Variants in PRORP observed in about 807,000 individuals in gnomAD.
PRORP encodes the protein protein only RNase P catalytic subunit.
PRORP carries 51 observed loss-of-function variants against 59.4 expected under a neutral mutation model. That is an observed-to-expected ratio of 0.86 (90% confidence interval 0.69 to 1.08). The LOEUF (loss-of-function observed/expected upper bound fraction) is 1.08. PRORP is among the 50% of genes least tolerant of loss of function. The pLI, the probability that PRORP is intolerant of heterozygous loss-of-function variation, is 0.00. For synonymous variants in PRORP, 231 were observed against 245.6 expected (o/e 0.94, Z 0.55); for missense variants, 646 against 690.3 (o/e 0.94, Z 0.72).
intron 4 of PRORP, among the ~76,000 whole-genome samples, chr14:35,173,273 C>T (rs1005400094): frequency 6.6e-6 from 1 of 152,168 alleles, no homozygotes; most frequent in Non-Finnish European, 1.5e-5. Flanking sequence ...TTGTGAATGA[C>T]ACATTGCAGA....
rs1310174142 is a variant in PRORP at position 35,163,997 on chromosome 14, G to A, written c.1168-16673G>A. 2.0e-5 allele frequency among the ~76,000 whole-genome samples: 3 copies of A among 152,312 alleles called. No individual in the cohort carries two copies. In the East Asian group the frequency reaches 5.8e-4, roughly 29 times the overall value. ...TCATTTTGCTACATATAACTAGCCA[G>A]TTATCTGAGCACCATTTATTGAATA... On this transcript the variant is annotated intron_variant, in intron 4 of 7. Coordinates refer to ENST00000534898, the MANE Select transcript of PRORP (RefSeq NM_014672.4).
chr14:35,122,141 A>C (rs1052355921), upstream of PRORP: 5 of 604,498 alleles, frequency 8.3e-6, no homozygotes, highest in African/African-American at 7.4e-5. Flanking sequence ...GCCGCGGAGA[A>C]TACCGCTACC....
At chr14:35,228,099 C>T (rs11628446) in intron 5 of PRORP, among the ~76,000 whole-genome samples, 24,446 of 152,078 alleles carry the variant, frequency 0.16, 2,309 homozygotes, top group Middle Eastern at 0.23. Flanking sequence ...GCCAAGATCG[C>T]GCCACTGCAC....
intron 4 of PRORP, among the ~76,000 whole-genome samples, chr14:35,147,680 A>T (rs183163187): frequency 1.3e-5 from 2 of 152,240 alleles, no homozygotes; most frequent in African/African-American, 2.4e-5. Context: ...TTTGCCACAT[A>T]AATTGACTCT....
intron 5 of PRORP, among the ~76,000 whole-genome samples, chr14:35,232,775 T>A (rs557668841): frequency 6.6e-6 from 1 of 152,140 alleles, no homozygotes; most frequent in East Asian, 1.9e-4. Flanking sequence ...CAGGTTCAAG[T>A]GATTCTCCTG....
chr14:35,267,627 A>C (rs984278437), intron 6 of PRORP, among the ~76,000 whole-genome samples: 3 of 152,104 alleles, frequency 2.0e-5, no homozygotes, highest in Non-Finnish European at 2.9e-5. Context: ...TAAAAATACA[A>C]AAAATTAACC....
At chr14:35,218,652 G>A (rs774823037) in intron 5 of PRORP, among the ~76,000 whole-genome samples, 2 of 150,636 alleles carry the variant, frequency 1.3e-5, no homozygotes, top group Non-Finnish European at 3.0e-5. Context: ...TCAGCCTCCC[G>A]AGTAGTTTGG....
chr14:35,132,623 A>G (rs2047273800), intron 4 of PRORP, among the ~76,000 whole-genome samples: 1 of 151,964 alleles, frequency 6.6e-6, no homozygotes, highest in African/African-American at 2.4e-5. Flanking sequence ...TGTCTCTACT[A>G]AAAATAAAAA....
At chr14:35,273,354 T>C in intron 7 of PRORP, 81 bp from the exon 8 acceptor site, 3 of 1,395,260 alleles carry the variant, frequency 2.2e-6, no homozygotes, top group Non-Finnish European at 2.9e-6. Context: ...TGGAGCAAAC[T>C]TGAGAAGTGT....
At chr14:35,203,121 G>T (rs111875977) in intron 5 of PRORP, among the ~76,000 whole-genome samples, 3,448 of 152,228 alleles carry the variant, frequency 0.023, 54 homozygotes, top group South Asian at 0.062. Context: ...GCAAAGAAAA[G>T]AACTTACCCT....
At chr14:35,143,073 T>C (rs1244038321) in intron 4 of PRORP, among the ~76,000 whole-genome samples, 3 of 146,208 alleles carry the variant, frequency 2.1e-5, no homozygotes, top group Non-Finnish European at 4.6e-5. Flanking sequence ...AGAAATACTT[T>C]AGAATTGCAG....
chr14:35,122,083 T>G, upstream of PRORP: 2 of 998,398 alleles, frequency 2.0e-6, no homozygotes, highest in Non-Finnish European at 3.1e-6. Flanking sequence ...ACCATCTTGA[T>G]CGAGGGCGGA....
At chr14:35,128,573 A>T (rs577642141) in intron 4 of PRORP, among the ~76,000 whole-genome samples, 16 of 152,032 alleles carry the variant, frequency 1.1e-4, no homozygotes, top group Admixed American at 6.5e-4. Context: ...AATATATTGA[A>T]TCTGTCTAGG....
intron 5 of PRORP, among the ~76,000 whole-genome samples, chr14:35,227,253 C>A (rs1207702477): frequency 1.3e-5 from 2 of 151,434 alleles, no homozygotes; most frequent in Non-Finnish European, 2.9e-5. Context: ...ACCATCCTGG[C>A]CAACATGGTG....
At chr14:35,147,619 A>G (rs1443316597) in intron 4 of PRORP, among the ~76,000 whole-genome samples, 1 of 152,250 alleles carries the variant, frequency 6.6e-6, no homozygotes, top group Admixed American at 6.5e-5. Context: ...TGCTGGGATT[A>G]CAGGCATGAG....
chr14:35,170,528 A>C (rs948864729), intron 4 of PRORP, among the ~76,000 whole-genome samples: 1 of 152,178 alleles, frequency 6.6e-6, no homozygotes, highest in African/African-American at 2.4e-5. Flanking sequence ...ATTTCACATG[A>C]AATATAAGAA....
At chr14:35,179,290 C>A (rs1330375354) in intron 4 of PRORP, among the ~76,000 whole-genome samples, 2 of 152,154 alleles carry the variant, frequency 1.3e-5, no homozygotes, top group East Asian at 3.8e-4. Context: ...GGTGGCCTGC[C>A]TGCTAGGTTG....
At chr14:35,209,787 C>T (rs1446657585) in intron 5 of PRORP, among the ~76,000 whole-genome samples, 2 of 152,124 alleles carry the variant, frequency 1.3e-5, no homozygotes, top group African/African-American at 2.4e-5. Flanking sequence ...CCACCGTCCT[C>T]GGCCTCCCAA....
At chr14:35,236,952 TTTTCTTTTC>T (rs976736781) in intron 5 of PRORP, among the ~76,000 whole-genome samples, 2 of 151,532 alleles carry the variant, frequency 1.3e-5, no homozygotes, top group African/African-American at 2.4e-5. Flanking sequence ...TTTCTTTCAT[TTTTCTTTTC>T]TTTCTTTTCT....
Sources: allele counts gnomAD v4.1 joint callset (sites outside exome capture counted in the v4.1 genomes callset), GRCh38; gene constraint gnomAD v4.1.1; transcripts MANE v1.5; gene names NCBI Gene and HGNC (gene_info 2026-07-23, HGNC 2026-07-21).